The following NPAS3 variants were observed in gnomAD, a reference collection of about 807,000 sequenced individuals.
NPAS3 encodes neuronal PAS domain-containing protein 3.
NPAS3 carries 14 observed loss-of-function variants against 73.1 expected under a neutral mutation model. The ratio of observed to expected loss-of-function variants is 0.19; its 90% CI spans 0.13 to 0.30. The LOEUF (loss-of-function observed/expected upper bound fraction) is 0.30, where lower values mean the gene tolerates loss of function less well. NPAS3 is among the 10% of genes least tolerant of loss of function. The pLI is 1.00. For synonymous variants in NPAS3, 620 were observed against 541.5 expected (o/e 1.14, Z -2.01); for missense variants, 1,096 against 1,250.0 (o/e 0.88, Z 1.86).
At chr14:33,258,538 G>A (rs1273575484) in intron 3 of NPAS3, among the ~76,000 whole-genome samples, 4 of 152,182 alleles carry the variant, frequency 2.6e-5, no homozygotes, top group Non-Finnish European at 5.9e-5. Context: ...GCTAATGTAG[G>A]TGGGGCTATG....
At chr14:33,386,764 C>T (rs985210540) in intron 4 of NPAS3, among the ~76,000 whole-genome samples, 4 of 152,068 alleles carry the variant, frequency 2.6e-5, no homozygotes, top group Non-Finnish European at 4.4e-5. Flanking sequence ...AACATTGTTA[C>T]GGAAGTTCAC....
At chr14:33,628,308 T>C (rs1162980095) in intron 5 of NPAS3, among the ~76,000 whole-genome samples, 2 of 152,212 alleles carry the variant, frequency 1.3e-5, no homozygotes, top group African/African-American at 2.4e-5. Context: ...ACAATGGGCT[T>C]CTCCAAAGGA....
At chr14:33,117,349 T>A (rs1280026992) in intron 2 of NPAS3, among the ~76,000 whole-genome samples, 2 of 152,112 alleles carry the variant, frequency 1.3e-5, no homozygotes, top group Non-Finnish European at 2.9e-5. Context: ...TACCTGAAAC[T>A]GACTGCTGGG....
intron 1 of NPAS3, among the ~76,000 whole-genome samples, chr14:33,013,704 C>T (rs1182001056): frequency 6.6e-6 from 1 of 152,090 alleles, no homozygotes; most frequent in Non-Finnish European, 1.5e-5. Flanking sequence ...TATAGTTGCA[C>T]ATGATTTAAC....
chr14:32,959,580 C>T (rs929443507), intron 1 of NPAS3, among the ~76,000 whole-genome samples: 1 of 152,120 alleles, frequency 6.6e-6, no homozygotes, highest in African/African-American at 2.4e-5. Context: ...CCTTCTGCAG[C>T]CTGCATGAAT....
chr14:33,281,053 G>T (rs1035623804), intron 3 of NPAS3, among the ~76,000 whole-genome samples: 17 of 152,190 alleles, frequency 1.1e-4, no homozygotes, highest in African/African-American at 4.1e-4. Context: ...AAGGAGATAA[G>T]AGTTCACTTG....
chr14:33,536,003 C>A (rs192252233), intron 4 of NPAS3, among the ~76,000 whole-genome samples: 15 of 152,096 alleles, frequency 9.9e-5, no homozygotes, highest in Non-Finnish European at 2.2e-4. Context: ...AGAGTAAAAC[C>A]GCTGGAGAGA....
At chr14:33,113,542 G>C (rs2042965174) in intron 2 of NPAS3, among the ~76,000 whole-genome samples, 1 of 152,090 alleles carries the variant, frequency 6.6e-6, no homozygotes, top group African/African-American at 2.4e-5. Context: ...TGCTGAAGTT[G>C]CTTATCAGCT....
At chr14:33,344,409 A>G (rs1448577562) in intron 3 of NPAS3, among the ~76,000 whole-genome samples, 1 of 152,184 alleles carries the variant, frequency 6.6e-6, no homozygotes, top group Non-Finnish European at 1.5e-5. Context: ...ATAGTCATGT[A>G]TATGCCATAA....
At chr14:33,159,605 G>C (rs1566622539) in intron 2 of NPAS3, among the ~76,000 whole-genome samples, 1 of 146,196 alleles carries the variant, frequency 6.8e-6, no homozygotes, top group Non-Finnish European at 1.5e-5. Context: ...CCAGGCTGGA[G>C]TGCAGTGGCG....
chr14:33,545,383 T>A (rs2054793684), intron 4 of NPAS3, among the ~76,000 whole-genome samples: 1 of 152,202 alleles, frequency 6.6e-6, no homozygotes, highest in South Asian at 2.1e-4. Context: ...TGGGCACCAT[T>A]TATTATATAC....
chr14:33,544,957 A>G (rs1362594491), intron 4 of NPAS3, among the ~76,000 whole-genome samples: 1 of 149,552 alleles, frequency 6.7e-6, no homozygotes, highest in Non-Finnish European at 1.5e-5. Flanking sequence ...TATAAAAATC[A>G]TTTTTCTCCT....
At chr14:32,967,918 T>TG (rs1202133581) in intron 1 of NPAS3, among the ~76,000 whole-genome samples, 1 of 55,616 alleles carries the variant, frequency 1.8e-5, no homozygotes, top group Non-Finnish European at 3.5e-5. Flanking sequence ...TGAGAGTGTG[T>TG]GTGTGTGTCA....
At chr14:33,532,429 T>C (rs1566977924) in intron 4 of NPAS3, among the ~76,000 whole-genome samples, 1 of 152,204 alleles carries the variant, frequency 6.6e-6, no homozygotes, top group East Asian at 1.9e-4. Flanking sequence ...AGCTCTGGGA[T>C]GGGGCAGACA....
At chr14:33,547,469 A>G (rs1179656441) in intron 4 of NPAS3, among the ~76,000 whole-genome samples, 3 of 152,226 alleles carry the variant, frequency 2.0e-5, no homozygotes, top group Admixed American at 6.5e-5. Context: ...AGTCAGATGT[A>G]TAAATGAATT....
At chr14:33,731,123 G>T (rs1054171878) in intron 6 of NPAS3, among the ~76,000 whole-genome samples, 1 of 152,072 alleles carries the variant, frequency 6.6e-6, no homozygotes, top group Non-Finnish European at 1.5e-5. Context: ...AACACTTCAA[G>T]TATACTGAAA....
intron 5 of NPAS3, among the ~76,000 whole-genome samples, chr14:33,651,910 A>G (rs184534776): frequency 6.6e-6 from 1 of 152,238 alleles, no homozygotes; most frequent in Non-Finnish European, 1.5e-5. Flanking sequence ...CATTAACAAC[A>G]TGTTAAAGTT....
chr14:33,460,197 A>G (rs900838137), intron 4 of NPAS3, among the ~76,000 whole-genome samples: 1 of 152,182 alleles, frequency 6.6e-6, no homozygotes, highest in Non-Finnish European at 1.5e-5. Flanking sequence ...AGATTGTTTT[A>G]TAATTGCCCT....
At chr14:33,293,706 A>G (rs2042187132) in intron 3 of NPAS3, among the ~76,000 whole-genome samples, 1 of 152,190 alleles carries the variant, frequency 6.6e-6, no homozygotes, top group Admixed American at 6.5e-5. Context: ...TTAGTAATTA[A>G]CTGAAAAGAG....
Sources: allele counts gnomAD v4.1 joint callset (sites outside exome capture counted in the v4.1 genomes callset), GRCh38; gene constraint gnomAD v4.1.1; transcripts MANE v1.5; gene names NCBI Gene and HGNC (gene_info 2026-07-23, HGNC 2026-07-21).